CHRM3: variants seen among roughly 807,000 people sequenced by gnomAD.
CHRM3 encodes the protein muscarinic acetylcholine receptor M3.
Under a neutral mutation model 41.8 loss-of-function variants are expected in CHRM3, and 11 were observed. That is an observed-to-expected ratio of 0.26 (90% CI 0.17 to 0.44). The LOEUF is 0.44. Ranked by LOEUF, CHRM3 falls within the 20% of genes least tolerant of loss-of-function variation. The pLI, the probability that CHRM3 is intolerant of heterozygous loss-of-function variation, is 1.00. For missense variants in CHRM3, 571 were observed against 745.4 expected (o/e 0.77, Z 2.72); for synonymous variants, 297 against 301.4 (o/e 0.99, Z 0.15).
intron 6 of CHRM3, among the ~76,000 whole-genome samples, chr1:239,837,651 T>G (rs1673439036): frequency 6.6e-6 from 1 of 152,234 alleles, no homozygotes; most frequent in Non-Finnish European, 1.5e-5. Context: ...CAAAATATCT[T>G]TGTGCTTAAG....
rs554729285 is a variant in CHRM3, at chr1:239,522,282, G to C, written c.-421-23359G>C. Among the ~76,000 whole-genome samples the C allele has an allele frequency of 1.4e-3, 211 of 152,324 alleles. 2 individuals carry two copies. In the South Asian group the frequency reaches 0.015, roughly 10 times the overall value. ...ATGAGGATCTTGAAGAAACCCTGGA[G>C]AGTGAGAGGGTCACATGGAGACAAG... On this transcript the variant is annotated intron_variant, in intron 2 of 6. Transcript: ENST00000676153.
intron 5 of CHRM3, among the ~76,000 whole-genome samples, chr1:239,732,056 T>C (rs1439658725): frequency 6.6e-6 from 1 of 151,954 alleles, no homozygotes; most frequent in Non-Finnish European, 1.5e-5. Context: ...CCCAGCCCCA[T>C]ACCTATGGGA....
Position 239,726,359 on chromosome 1 carries a change from G to T in CHRM3, c.-147+48071G>T, listed in dbSNP as rs1023027588. ...TAGTAGATGGATAATATTTTATGAG[G>T]TTAATGTGCCATATGTTACAAAACT... On this transcript the variant is annotated intron_variant, in intron 5 of 6. Coordinates refer to ENST00000676153, the MANE Select transcript of CHRM3 (RefSeq NM_001375978.1). 5.9e-5 allele frequency among the ~76,000 whole-genome samples: 9 copies of T among 151,892 alleles called. No individual in the cohort carries two copies. In the East Asian group the frequency reaches 1.6e-3, roughly 26 times the overall value.
chr1:239,668,360 A>T (rs1674033834), intron 4 of CHRM3, among the ~76,000 whole-genome samples: 1 of 151,990 alleles, frequency 6.6e-6, no homozygotes, highest in African/African-American at 2.4e-5. Context: ...AAGTGCTGGG[A>T]TTACAGGTGT....
At chr1:239,812,712 C>T (rs1366447928) in intron 5 of CHRM3, among the ~76,000 whole-genome samples, 1 of 152,204 alleles carries the variant, frequency 6.6e-6, no homozygotes, top group Non-Finnish European at 1.5e-5. Context: ...AGTGATCTAG[C>T]CACCATGGGC....
At chr1:239,895,216 A>T (rs940896875) in intron 6 of CHRM3, among the ~76,000 whole-genome samples, 1 of 152,148 alleles carries the variant, frequency 6.6e-6, no homozygotes, top group Non-Finnish European at 1.5e-5. Flanking sequence ...TCCTGGCTGT[A>T]CTTCCTTTCT....
At chr1:239,643,081 A>G (rs1195265652) in intron 4 of CHRM3, among the ~76,000 whole-genome samples, 1 of 152,112 alleles carries the variant, frequency 6.6e-6, no homozygotes, top group African/African-American at 2.4e-5. Context: ...AGAACAGTGG[A>G]TGTTCGTGAT....
intron 3 of CHRM3, among the ~76,000 whole-genome samples, chr1:239,597,925 G>T (rs1175293357): frequency 2.0e-5 from 3 of 147,656 alleles, no homozygotes; most frequent in Non-Finnish European, 4.5e-5. Flanking sequence ...TGAGAACAGG[G>T]GTCTCGTGCA....
intron 3 of CHRM3, among the ~76,000 whole-genome samples, chr1:239,587,418 G>A (rs976643585): frequency 6.6e-6 from 1 of 152,160 alleles, no homozygotes; most frequent in Admixed American, 6.5e-5. Context: ...GCTAGATAGA[G>A]AGTCCTCCCC....
chr1:239,859,271 G>C (rs1332242219), intron 6 of CHRM3, among the ~76,000 whole-genome samples: 2 of 151,962 alleles, frequency 1.3e-5, no homozygotes, highest in African/African-American at 4.8e-5. Context: ...TTTTTTGTTT[G>C]TTTCTATTTG....
At chr1:239,474,412 A>G (rs905287220) in intron 1 of CHRM3, among the ~76,000 whole-genome samples, 5 of 152,126 alleles carry the variant, frequency 3.3e-5, no homozygotes, top group African/African-American at 1.2e-4. Flanking sequence ...AGCATGTACT[A>G]TAGTAACACA....
intron 5 of CHRM3, among the ~76,000 whole-genome samples, chr1:239,812,629 G>A (rs1304190593): frequency 1.3e-5 from 2 of 152,114 alleles, no homozygotes; most frequent in Non-Finnish European, 2.9e-5. Context: ...TTTCTACAGT[G>A]GCAAAACAAA....
chr1:239,589,763 G>A (rs546997063), intron 3 of CHRM3, among the ~76,000 whole-genome samples: 5 of 149,292 alleles, frequency 3.3e-5, no homozygotes, highest in Non-Finnish European at 7.4e-5. Flanking sequence ...GCAAAAAGAT[G>A]TCTACACAGG....
At chr1:239,714,120 CT>C (rs1662098171) in intron 5 of CHRM3, 1 of 152,128 alleles carries the variant, frequency 6.6e-6, no homozygotes, top group Middle Eastern at 3.2e-3. Context: ...GTTTTCCCAT[CT>C]GAAGAACTTC....
rs149002032 is a variant in CHRM3, at chr1:239,405,000, T to C, written c.-521+17773T>C. Among the ~76,000 whole-genome samples the C allele has an allele frequency of 4.5e-3, 692 of 152,092 alleles. 4 individuals are homozygous for C. The highest frequency in any genetic ancestry group is 6.3e-3 in the Non-Finnish European group (430 of 67,978). Reference sequence around the variant, plus strand: ...TCAAAAAAGCAAAGACAACATAGTCTAGAACTGCTGTCTAAGTGCAAAATA... The same window carrying C: ...TCAAAAAAGCAAAGACAACATAGTCCAGAACTGCTGTCTAAGTGCAAAATA... On this transcript the variant is annotated intron_variant, in intron 1 of 6. Coordinates refer to ENST00000676153, the MANE Select transcript of CHRM3 (RefSeq NM_001375978.1).
chr1:239,463,049 C>T (rs1665471249), intron 1 of CHRM3, among the ~76,000 whole-genome samples: 1 of 152,140 alleles, frequency 6.6e-6, no homozygotes, highest in South Asian at 2.1e-4. Flanking sequence ...TTAAACCAGA[C>T]TGTGTATAAC....
chr1:239,682,016 T>C (rs1658618193), intron 5 of CHRM3, among the ~76,000 whole-genome samples: 2 of 152,232 alleles, frequency 1.3e-5, no homozygotes, highest in East Asian at 3.8e-4. Flanking sequence ...ATCCAAATAA[T>C]ATGCCCGTGC....
intron 5 of CHRM3, among the ~76,000 whole-genome samples, chr1:239,699,756 A>C (rs1660514634): frequency 6.6e-6 from 1 of 152,174 alleles, no homozygotes; most frequent in Non-Finnish European, 1.5e-5. Context: ...GAAACATGGA[A>C]ACACTGACTA....
intron 6 of CHRM3, among the ~76,000 whole-genome samples, chr1:239,851,364 G>A (rs1282933683): frequency 2.6e-5 from 4 of 152,178 alleles, no homozygotes; most frequent in African/African-American, 9.7e-5. Context: ...GGAGAACCAT[G>A]TGTCTTTGCT....
Sources: gnomAD v4.1 joint callset for allele counts (sites outside exome capture counted in the v4.1 genomes callset) on GRCh38, gnomAD v4.1.1 for gene constraint, MANE v1.5 for transcripts, NCBI Gene and HGNC (gene_info 2026-07-23, HGNC 2026-07-21) for gene names.